The following PDE9A variants were observed in gnomAD, a reference collection of about 807,000 sequenced individuals.
The protein encoded by PDE9A is phosphodiesterase 9A.
In PDE9A, 60 loss-of-function variants were observed where a neutral mutation model predicts 87.4. The ratio of observed to expected loss-of-function variants is 0.69; its 90% CI spans 0.56 to 0.85. The LOEUF (loss-of-function observed/expected upper bound fraction) is 0.85, where lower values mean the gene tolerates loss of function less well. PDE9A is among the 40% of genes least tolerant of loss of function. The probability of loss-of-function intolerance (pLI) is 0.00; values close to 1 mark genes in which losing one functional copy is unlikely to be tolerated. For synonymous variants in PDE9A, 272 were observed against 279.4 expected (o/e 0.97, Z 0.27); for missense variants, 665 against 779.0 (o/e 0.85, Z 1.74).
At chr21:42,703,807 G>C (rs898262093) in intron 4 of PDE9A, among the ~76,000 whole-genome samples, 6 of 152,216 alleles carry the variant, frequency 3.9e-5, no homozygotes, top group African/African-American at 1.4e-4. Flanking sequence ...GAGCCACAAA[G>C]AGGCTTGAAA....
chr21:42,715,429 C>T (rs943858139), intron 4 of PDE9A, among the ~76,000 whole-genome samples: 10 of 152,042 alleles, frequency 6.6e-5, no homozygotes, highest in African/African-American at 2.2e-4. Context: ...GAGTTCAAGA[C>T]CAGACTGGCC....
chr21:42,670,204 T>C (rs1425823015), intron 1 of PDE9A, among the ~76,000 whole-genome samples: 3 of 127,054 alleles, frequency 2.4e-5, no homozygotes, highest in African/African-American at 1.4e-4. Flanking sequence ...TTCACACACA[T>C]ACACTTACAT....
intron 1 of PDE9A, among the ~76,000 whole-genome samples, chr21:42,684,903 T>C (rs1011128485): frequency 7.1e-6 from 1 of 141,088 alleles, no homozygotes; most frequent in African/African-American, 2.9e-5. Context: ...CAGGAAATGG[T>C]GTTAGTCACA....
chr21:42,745,789 G>T (rs1408555872), intron 8 of PDE9A, among the ~76,000 whole-genome samples: 1 of 152,140 alleles, frequency 6.6e-6, no homozygotes, highest in African/African-American at 2.4e-5. Context: ...TGGGGCTGCG[G>T]GTGTAGCAGG....
chr21:42,746,524 G>A (rs2053866118), intron 8 of PDE9A, among the ~76,000 whole-genome samples: 1 of 152,164 alleles, frequency 6.6e-6, no homozygotes, highest in Non-Finnish European at 1.5e-5. Context: ...TTTTTGTAAG[G>A]ACACCCATCC....
chr21:42,762,313 C>A, intron 14 of PDE9A, 74 bp downstream of exon 14: 2 of 1,490,084 alleles, frequency 1.3e-6, no homozygotes, highest in Non-Finnish European at 1.8e-6. Flanking sequence ...TCTCCATTGG[C>A]TGGAAGCTCC....
chr21:42,699,164 A>G, intron 4 of PDE9A, 153 bp downstream of exon 4: 1 of 596,414 alleles, frequency 1.7e-6, no homozygotes, highest in Non-Finnish European at 3.0e-6. Context: ...ATGTTAGTTA[A>G]GCATTTGAAT....
intron 1 of PDE9A, among the ~76,000 whole-genome samples, chr21:42,681,027 G>C (rs893974718): frequency 6.6e-6 from 1 of 152,240 alleles, no homozygotes; most frequent in Non-Finnish European, 1.5e-5. Context: ...GTTGAGATTC[G>C]TGGCAACTGA....
intron 1 of PDE9A, 119 bp downstream of exon 1, chr21:42,654,002 C>T (rs1395459299): frequency 2.0e-5 from 10 of 500,956 alleles, no homozygotes; most frequent in South Asian, 2.8e-5. Flanking sequence ...TCCGTGCGCT[C>T]CGCCAGCTCT....
chr21:42,712,406 T>TA (rs2049435436), intron 4 of PDE9A, among the ~76,000 whole-genome samples: 1 of 152,242 alleles, frequency 6.6e-6, no homozygotes, highest in Admixed American at 6.5e-5. Flanking sequence ...ATTGGTTAGT[T>TA]CTAGTTGTTG....
rs150254508 is a variant in PDE9A at position 42,773,420 on chromosome 21, T to G, written c.1768+900T>G. The stretch of plus-strand genomic sequence containing the variant: ...ACTTTTCACAAATCACGTGTTTGCT[T>G]TATATGGCTTTGAGCATTTTCCTCT... On this transcript the variant is annotated intron_variant, in intron 19 of 19. Transcript: ENST00000291539. Among the ~76,000 whole-genome samples the G allele has an allele frequency of 3.7e-3, 568 of 152,312 alleles. 3 individuals are homozygous for G. The highest frequency in any genetic ancestry group is 0.013 in the African/African-American group (541 of 41,564).
In PDE9A at chr21:42,687,824, G is replaced by C. The variant is rs920556419; in HGVS notation, c.141-93G>C. On this transcript the variant is annotated intron_variant, in intron 2 of 19. Transcript: ENST00000291539. ...GTCAGGCTGGTCCTGGGACTGTCCT[G>C]GTTGTCTCAGGGCTCTGGCCCCATG... 15 of 1,096,126 alleles carry C rather than the reference G, an allele frequency of 1.4e-5. No individual in the cohort carries two copies. In the African/African-American group the frequency reaches 2.1e-4, roughly 16 times the overall value. The allele number at this position is 1,096,126 out of a possible 1,614,324, so 67.9% of individuals were successfully genotyped here. A position where few individuals can be genotyped will look rare whatever the true frequency, so the allele number is the denominator to read the frequency against.
At chr21:42,741,736 A>T (rs948927192) in intron 7 of PDE9A, 1 of 150,524 alleles carries the variant, frequency 6.6e-6, no homozygotes, top group Admixed American at 6.6e-5. Context: ...GATTCCAGCT[A>T]GTCTGCCCTG....
At chr21:42,745,461 T>G (rs2053746804) in intron 8 of PDE9A, among the ~76,000 whole-genome samples, 1 of 152,210 alleles carries the variant, frequency 6.6e-6, no homozygotes, top group Non-Finnish European at 1.5e-5. Context: ...GGAGGCTCTT[T>G]AAAGGACGGG....
At chr21:42,663,787 G>T (rs994601069) in intron 1 of PDE9A, among the ~76,000 whole-genome samples, 1 of 152,146 alleles carries the variant, frequency 6.6e-6, no homozygotes, top group Non-Finnish European at 1.5e-5. Context: ...AGCATGCCAG[G>T]CCCCATCCTA....
In PDE9A at chr21:42,722,123, G is replaced by A. The variant is rs373712491; in HGVS notation, c.263-9647G>A. 9.9e-5 allele frequency among the ~76,000 whole-genome samples: 15 copies of A among 152,000 alleles called. No homozygotes were observed. The highest frequency in any genetic ancestry group is 3.1e-4 in the African/African-American group (13 of 41,416). On this transcript the variant is annotated intron_variant, in intron 4 of 19. Transcript: ENST00000291539. The surrounding 1 kb of genome is among the most constrained non-coding windows in gnomAD (Gnocchi z 4.1). ...CCCGAGTAGCTGGGATTACAGGCAC[G>A]TACCACCATGCCCAGCTAATTTTTT...
chr21:42,716,190 A>G (rs2049904902), intron 4 of PDE9A, among the ~76,000 whole-genome samples: 1 of 151,836 alleles, frequency 6.6e-6, no homozygotes, highest in Non-Finnish European at 1.5e-5. Context: ...AGCTGCCATA[A>G]ATATTTGTGC....
intron 7 of PDE9A, among the ~76,000 whole-genome samples, chr21:42,742,457 CTTTTTTTTTT>C (rs60925435): frequency 9.2e-4 from 66 of 71,546 alleles, no homozygotes; most frequent in Middle Eastern, 0.01. Context: ...AAGCTGTCTG[CTTTTTTTTTT>C]TTTTTTTTTT....
chr21:42,744,499 G>A (rs926751366), intron 8 of PDE9A, among the ~76,000 whole-genome samples: 6 of 152,218 alleles, frequency 3.9e-5, no homozygotes, highest in Non-Finnish European at 5.9e-5. Flanking sequence ...AGAACAAGAA[G>A]AGGAAAAGCA....
Sources: gnomAD v4.1 joint callset for allele counts (sites outside exome capture counted in the v4.1 genomes callset) on GRCh38, gnomAD v4.1.1 for gene constraint, Gnocchi (gnomAD v3.1) non-coding constraint, MANE v1.5 for transcripts, NCBI Gene and HGNC (gene_info 2026-07-23, HGNC 2026-07-21) for gene names.